Variants in TEAD1 observed in about 807,000 individuals in gnomAD.
TEAD1 encodes the protein transcriptional enhancer factor TEF-1.
Under a neutral mutation model 54.9 loss-of-function variants are expected in TEAD1, and 9 were observed. That is an observed-to-expected ratio of 0.16 (90% CI 0.10 to 0.29). The LOEUF is 0.29. Ranked by LOEUF, TEAD1 falls within the 10% of genes least tolerant of loss-of-function variation. The pLI is 1.00. For synonymous variants in TEAD1, 200 were observed against 187.8 expected (o/e 1.07, Z -0.53); for missense variants, 387 against 535.9 (o/e 0.72, Z 2.74).
intron 2 of TEAD1, among the ~76,000 whole-genome samples, chr11:12,690,286 A>G (rs1001706789): frequency 1.3e-5 from 2 of 151,768 alleles, no homozygotes; most frequent in Admixed American, 6.6e-5. Context: ...AATGTCAAAT[A>G]TCTAGTCACT....
chr11:12,823,523 C>T (rs1946593162), intron 3 of TEAD1: 2 of 152,152 alleles, frequency 1.3e-5, no homozygotes, highest in Non-Finnish European at 2.9e-5. Context: ...TCTCAGACAC[C>T]CTGGCCTCTT....
At position 12,814,777 on chromosome 11, in the gene TEAD1, C is replaced by G. The variant is rs371148512; in HGVS notation, c.203-47473C>G. The stretch of plus-strand genomic sequence containing the variant: ...AGCCACCCCTGACCATCGCAGAGCT[C>G]TGTGTGTGTGTGTGTGTGTGTGTGT... On this transcript the variant is annotated intron_variant, in intron 3 of 12. Transcript: ENST00000527636. Among the ~76,000 whole-genome samples the G allele has an allele frequency of 6.8e-3, 720 of 106,148 alleles. 64 individuals are homozygous for G. The highest frequency in any genetic ancestry group is 0.025 in the South Asian group (53 of 2,090). The allele number at this position is 106,148 out of a possible 152,430, so 69.6% of individuals were successfully genotyped here.
intron 2 of TEAD1, among the ~76,000 whole-genome samples, chr11:12,728,099 T>C (rs1354798114): frequency 2.0e-5 from 3 of 152,110 alleles, no homozygotes; most frequent in African/African-American, 7.2e-5. Flanking sequence ...GAATGCAGTG[T>C]GACCAAGCCG....
At chr11:12,855,237 A>G (rs572272600) in intron 3 of TEAD1, among the ~76,000 whole-genome samples, 1 of 151,868 alleles carries the variant, frequency 6.6e-6, no homozygotes, top group African/African-American at 2.4e-5. Context: ...CCCTTCATCT[A>G]TACTTTTTGG....
At chr11:12,719,580 G>T (rs1470130689) in intron 2 of TEAD1, among the ~76,000 whole-genome samples, 18 of 142,332 alleles carry the variant, frequency 1.3e-4, no homozygotes, top group African/African-American at 4.6e-4. Flanking sequence ...TTTTTGGGGG[G>T]AGGGGGGGCG....
chr11:12,724,729 G>A (rs1433957470), intron 2 of TEAD1, among the ~76,000 whole-genome samples: 1 of 152,208 alleles, frequency 6.6e-6, no homozygotes, highest in Non-Finnish European at 1.5e-5. Flanking sequence ...CTCCTGCTCA[G>A]TGGGGGCCCT....
chr11:12,839,068 A>AT (rs755309425), intron 3 of TEAD1, among the ~76,000 whole-genome samples: 95 of 151,770 alleles, frequency 6.3e-4, no homozygotes, highest in Non-Finnish European at 9.3e-4. Flanking sequence ...ATTCCCAAAT[A>AT]TTCTTTTTTC....
chr11:12,687,841 C>T (rs189713034), intron 2 of TEAD1, among the ~76,000 whole-genome samples: 4 of 152,230 alleles, frequency 2.6e-5, no homozygotes, highest in Admixed American at 2.0e-4. Flanking sequence ...CCCTCACCCC[C>T]GTGACTGGTT....
chr11:12,903,744 C>T (rs906496874), intron 10 of TEAD1, among the ~76,000 whole-genome samples: 2 of 152,100 alleles, frequency 1.3e-5, no homozygotes, highest in Non-Finnish European at 1.5e-5. Context: ...CCCAGGAGGT[C>T]GAAGCTGCAC....
At chr11:12,771,881 G>A (rs1945318247) in intron 3 of TEAD1, among the ~76,000 whole-genome samples, 1 of 152,178 alleles carries the variant, frequency 6.6e-6, no homozygotes. Context: ...ACAGATTAGT[G>A]GTTCCCAAGG....
At chr11:12,889,289 C>G (rs1439953497) in intron 9 of TEAD1, among the ~76,000 whole-genome samples, 1 of 152,182 alleles carries the variant, frequency 6.6e-6, no homozygotes, top group Non-Finnish European at 1.5e-5. Context: ...GAAAACCCGG[C>G]CTGGCTGAGC....
intron 2 of TEAD1, among the ~76,000 whole-genome samples, chr11:12,723,098 A>G (rs573027696): frequency 1.7e-4 from 26 of 152,134 alleles, no homozygotes; most frequent in East Asian, 3.9e-4. Flanking sequence ...AAAGGGCACA[A>G]TTATTTTTTT....
intron 2 of TEAD1, among the ~76,000 whole-genome samples, chr11:12,739,253 A>T: frequency 6.6e-6 from 1 of 152,112 alleles, no homozygotes; most frequent in East Asian, 1.9e-4. Flanking sequence ...TCAGTCATCT[A>T]TCTCTGTCAT....
At chr11:12,900,937 TA>T (rs1948415597) in intron 9 of TEAD1, among the ~76,000 whole-genome samples, 1 of 152,192 alleles carries the variant, frequency 6.6e-6, no homozygotes, top group Non-Finnish European at 1.5e-5. Context: ...AAGTTGGTAT[TA>T]ATGCCTATTC....
At chr11:12,909,092 G>A (rs1049275192) in intron 10 of TEAD1, among the ~76,000 whole-genome samples, 20 of 152,030 alleles carry the variant, frequency 1.3e-4, no homozygotes, top group African/African-American at 4.8e-4. Context: ...ATCTTCTATT[G>A]TCACTTGTTA....
chr11:12,912,151 C>A (rs946964232), intron 10 of TEAD1, among the ~76,000 whole-genome samples: 2 of 152,032 alleles, frequency 1.3e-5, no homozygotes, highest in African/African-American at 4.8e-5. Context: ...CTTTTCTGGG[C>A]CATCTCGTTG....
chr11:12,715,017 G>A (rs61699919), intron 2 of TEAD1, among the ~76,000 whole-genome samples: 17,424 of 152,086 alleles, frequency 0.11, 3,361 homozygotes, highest in African/African-American at 0.4. Context: ...TAACAATTCC[G>A]CAGTTCTCTA....
chr11:12,734,687 C>T (rs1944491577), intron 2 of TEAD1, among the ~76,000 whole-genome samples: 2 of 152,274 alleles, frequency 1.3e-5, no homozygotes, highest in African/African-American at 4.8e-5. Flanking sequence ...CAATTGCCTA[C>T]AGTATTCAGT....
intron 9 of TEAD1, among the ~76,000 whole-genome samples, chr11:12,886,303 G>A (rs1948085964): frequency 6.6e-6 from 1 of 152,164 alleles, no homozygotes; most frequent in South Asian, 2.1e-4. Flanking sequence ...CTGGCCTGCT[G>A]TTGTTGAATA....
Sources: gnomAD v4.1 joint callset for allele counts (sites outside exome capture counted in the v4.1 genomes callset) on GRCh38, gnomAD v4.1.1 for gene constraint, MANE v1.5 for transcripts, NCBI Gene and HGNC (gene_info 2026-07-23, HGNC 2026-07-21) for gene names.